Variants in CDC42BPB observed in about 807,000 individuals in gnomAD.
The protein encoded by CDC42BPB is CDC42 binding protein kinase beta.
A neutral mutation model predicts 214.9 loss-of-function variants in CDC42BPB; 37 were observed. That is an observed-to-expected ratio of 0.17 (90% confidence interval 0.13 to 0.23). The LOEUF (loss-of-function observed/expected upper bound fraction) is 0.23, where lower values mean the gene tolerates loss of function less well. Among genes scored for constraint, CDC42BPB ranks in the 10% least tolerant of loss-of-function variants. CDC42BPB has a pLI of 1.00. For synonymous variants in CDC42BPB, 931 were observed against 884.0 expected (o/e 1.05, Z -0.94); for missense variants, 1,694 against 2,227.0 (o/e 0.76, Z 4.82).
intron 30 of CDC42BPB, among the ~76,000 whole-genome samples, chr14:102,942,758 G>A (rs1035814407): frequency 6.6e-6 from 1 of 152,038 alleles, no homozygotes; most frequent in Non-Finnish European, 1.5e-5. Flanking sequence ...AGGCTAGAGT[G>A]CAGTGGCGCG....
At chr14:103,019,473 C>T (rs1025406572) in intron 1 of CDC42BPB, among the ~76,000 whole-genome samples, 7 of 152,294 alleles carry the variant, frequency 4.6e-5, no homozygotes, top group African/African-American at 1.7e-4. Flanking sequence ...TCTTCCTGCC[C>T]GTCTTCCTCA....
rs1893497396 is a variant in CDC42BPB, at chr14:102,972,045, C to A, written c.1758G>T (p.Glu586Asp). 6.2e-7 allele frequency: 1 copy of A among 1,614,290 alleles called. No individual in the cohort carries two copies. The highest frequency in any genetic ancestry group is 2.2e-5 in the East Asian group (1 of 44,894). The change falls in exon 13 of 37, where the codon GAG (glutamate) becomes GAT (aspartate). Residue 586 changes from glutamate to aspartate, a missense_variant. Around this residue, in one of 7 missense-constraint regions of CDC42BPB, gnomAD observed 462 missense variants for 513.5 expected, o/e 0.90. Coordinates refer to ENST00000361246, the MANE Select transcript of CDC42BPB (RefSeq NM_006035.4). ...ACACCTTCTGCTTCTGGGCACGGAG[C>A]TCTGCCATGCGCTCGTTCAGCTCCG... ...EFSELNERMA[E>D]LRAQKQKVSR... is the part of the protein sequence containing the mutation.
chr14:103,022,368 T>C (rs1242615815), intron 1 of CDC42BPB, among the ~76,000 whole-genome samples: 1 of 152,088 alleles, frequency 6.6e-6, no homozygotes, highest in African/African-American at 2.4e-5. Context: ...GAGTTCTTGT[T>C]GCTGTTGTTT....
intron 23 of CDC42BPB, among the ~76,000 whole-genome samples, chr14:102,953,686 C>T (rs1418930454): frequency 6.6e-6 from 1 of 152,226 alleles, no homozygotes; most frequent in East Asian, 1.9e-4. Context: ...GAAGCCGAGG[C>T]CAGGACAGGG....
At chr14:102,999,486 G>A (rs990529283) in intron 5 of CDC42BPB, 79 bp downstream of exon 5, 23 of 1,456,920 alleles carry the variant, frequency 1.6e-5, no homozygotes, top group South Asian at 3.6e-5. Flanking sequence ...TTCTTGGGAC[G>A]GCCTGGACTT....
chr14:102,939,078 A>C (rs1891770206), intron 34 of CDC42BPB, among the ~76,000 whole-genome samples: 1 of 151,994 alleles, frequency 6.6e-6, no homozygotes, highest in Non-Finnish European at 1.5e-5. Flanking sequence ...CTGGGACTAC[A>C]GGCACCTGCC....
At chr14:103,000,156 T>C (rs1312177647) in intron 4 of CDC42BPB, among the ~76,000 whole-genome samples, 5 of 152,244 alleles carry the variant, frequency 3.3e-5, no homozygotes, top group Admixed American at 2.0e-4. Context: ...GCAGTTCTTA[T>C]TGGAAAGATT....
At chr14:103,010,011 T>C (rs536558064) in intron 2 of CDC42BPB, among the ~76,000 whole-genome samples, 42 of 152,260 alleles carry the variant, frequency 2.8e-4, no homozygotes, top group Non-Finnish European at 5.0e-4. Flanking sequence ...ACTAGCCAGG[T>C]ACAGTGGTGC....
rs777154597 is a variant in CDC42BPB at position 102,966,293 on chromosome 14, A to T, written c.2566T>A (p.Ser856Thr). Reference protein sequence around the residue: ...LEALRSSSLGSRTLDPLWKVR... With the variant: ...LEALRSSSLGTRTLDPLWKVR... ...TACACAAAACCTACCAGTGTTCTTG[A>T]CCCCAGACTAGAACTCCTCAAAGCC... Residue 856 changes from serine to threonine, a missense_variant, in exon 18 of 37, where the codon TCA becomes ACA. Physicochemically the swap from Ser to Thr is moderately conservative, Grantham distance 58 (BLOSUM62 1). Coordinates refer to ENST00000361246, the MANE Select transcript of CDC42BPB (RefSeq NM_006035.4). 2 of 1,612,796 alleles carry T rather than the reference A, an allele frequency of 1.2e-6. No homozygotes were observed. Among genetic ancestry groups the T allele is most frequent in the Non-Finnish European group, 1.7e-6 (2 of 1,178,824 alleles).
chr14:102,956,785 T>A (rs1024049897), intron 21 of CDC42BPB, among the ~76,000 whole-genome samples: 5 of 151,994 alleles, frequency 3.3e-5, no homozygotes, highest in African/African-American at 9.7e-5. Context: ...GCTATGATGG[T>A]GGCACGGCAC....
At chr14:103,021,762 A>G (rs1175094047) in intron 1 of CDC42BPB, among the ~76,000 whole-genome samples, 1 of 151,082 alleles carries the variant, frequency 6.6e-6, no homozygotes, top group African/African-American at 2.4e-5. Flanking sequence ...AAACCTGAGG[A>G]GCGGGGTGGG....
At chr14:102,990,494 A>G (rs757584612) in intron 5 of CDC42BPB, among the ~76,000 whole-genome samples, 1 of 152,178 alleles carries the variant, frequency 6.6e-6, no homozygotes, top group Non-Finnish European at 1.5e-5. Context: ...GAGGAAGACA[A>G]AAGTCTGGAA....
chr14:102,939,884 C>G lies in CDC42BPB; in HGVS notation c.4655G>C (p.Ser1552Thr), dbSNP rs1891810515. Residue 1552 changes from serine to threonine, a missense_variant, in exon 33 of 37, where the codon AGC (serine) becomes ACC (threonine). Ser to Thr is a moderately conservative substitution (Grantham distance 58, BLOSUM62 1). Around this residue, in one of 7 missense-constraint regions of CDC42BPB, gnomAD observed 567 missense variants for 790.3 expected, o/e 0.72. Transcript: ENST00000361246. Reference protein sequence around the residue: ...NSKKQMLRTRSKRRFVFKVPE... With the variant: ...NSKKQMLRTRTKRRFVFKVPE... ...GACCTTGAAGACGAACCGCCTTTTG[C>G]TCCTGGTGCGCAGCATCTGCTTCTT... 1 of 1,614,076 alleles carries G rather than the reference C, an allele frequency of 6.2e-7. No individual in the cohort carries two copies. The highest frequency in any genetic ancestry group is 8.5e-7 in the Non-Finnish European group (1 of 1,180,044).
intron 30 of CDC42BPB, chr14:102,941,076 G>T: frequency 1.0e-6 from 1 of 966,122 alleles, no homozygotes; most frequent in Non-Finnish European, 1.2e-6. Context: ...GAAGAGCAGT[G>T]ACACAGCTGT....
At chr14:102,981,546 C>T (rs1566878932) in intron 7 of CDC42BPB, among the ~76,000 whole-genome samples, 1 of 152,140 alleles carries the variant, frequency 6.6e-6, no homozygotes, top group Non-Finnish European at 1.5e-5. Context: ...TTTGGGAGGC[C>T]GAGGTGGGCA....
At position 102,954,668 on chromosome 14, in the gene CDC42BPB, T is replaced by C; in HGVS notation, c.2922A>G (p.Gln974=). ...CTTCTGGCTTCGGAGCTTGTGTTTC[T>C]TGCTCACTAGCTGAGCTGGTCTGTG... ...LTFRTSSASE[Q]ETQAPKPEAS... The change falls in exon 22 of 37, where the codon CAA becomes CAG. Residue 974 remains glutamine, a synonymous_variant. Transcript: ENST00000361246. 1 of 1,613,868 alleles carries C rather than the reference T, an allele frequency of 6.2e-7. No homozygotes were observed. Among genetic ancestry groups the C allele is most frequent in the Non-Finnish European group, 8.5e-7 (1 of 1,179,856 alleles).
intron 1 of CDC42BPB, among the ~76,000 whole-genome samples, chr14:103,031,455 C>T (rs940021470): frequency 3.3e-5 from 5 of 152,182 alleles, no homozygotes; most frequent in East Asian, 1.9e-4. Context: ...TGCAAAAGGA[C>T]ATCTAGCTTT....
chr14:102,976,817 T>C (rs1893767965), intron 9 of CDC42BPB, among the ~76,000 whole-genome samples: 2 of 152,342 alleles, frequency 1.3e-5, no homozygotes, highest in Non-Finnish European at 2.9e-5. Flanking sequence ...GCTCTAGGCC[T>C]ATCTGGCCAA....
intron 8 of CDC42BPB, 84 bp from the exon 9 acceptor site, chr14:102,978,289 A>G (rs1314831382): frequency 1.9e-6 from 3 of 1,585,156 alleles, no homozygotes; most frequent in Non-Finnish European, 2.6e-6. Flanking sequence ...AGTCATGGTG[A>G]CAGGAGGCAC....
Sources: allele counts gnomAD v4.1 joint callset (sites outside exome capture counted in the v4.1 genomes callset), GRCh38; gene constraint gnomAD v4.1.1; regional missense constraint gnomAD v4.1.1; transcripts MANE v1.5; gene names NCBI Gene and HGNC (gene_info 2026-07-23, HGNC 2026-07-21).